Variants in LGR6 observed in about 807,000 individuals in gnomAD.
LGR6 encodes leucine-rich repeat-containing G protein-coupled receptor 6.
Under a neutral mutation model 69.4 loss-of-function variants are expected in LGR6, and 45 were observed. That is an observed-to-expected ratio of 0.65 (90% confidence interval 0.51 to 0.83). The LOEUF (loss-of-function observed/expected upper bound fraction) is 0.83, where lower values mean the gene tolerates loss of function less well. LGR6 is among the 40% of genes least tolerant of loss of function. The pLI, the probability that LGR6 is intolerant of heterozygous loss-of-function variation, is 0.00. For missense variants in LGR6, 1,108 were observed against 1,246.7 expected (o/e 0.89, Z 1.68); for synonymous variants, 538 against 555.0 (o/e 0.97, Z 0.43).
chr1:202,261,597 C>T (rs1256577208), intron 4 of LGR6, among the ~76,000 whole-genome samples: 1 of 152,028 alleles, frequency 6.6e-6, no homozygotes, highest in Admixed American at 6.6e-5. Flanking sequence ...GGGTATATAC[C>T]CAGTAACGGG....
chr1:202,201,996 G>A (rs1218841283), intron 1 of LGR6, among the ~76,000 whole-genome samples: 1 of 152,202 alleles, frequency 6.6e-6, no homozygotes, highest in Non-Finnish European at 1.5e-5. Context: ...CACTGTATCA[G>A]ATAATCCTGG....
intron 4 of LGR6, among the ~76,000 whole-genome samples, chr1:202,236,884 T>C (rs1324490571): frequency 6.6e-6 from 1 of 152,132 alleles, no homozygotes; most frequent in Non-Finnish European, 1.5e-5. Context: ...AGTCTGTGGA[T>C]GTGGAAGTCA....
At chr1:202,316,360 C>T (rs953588594) in intron 17 of LGR6, among the ~76,000 whole-genome samples, 1 of 152,170 alleles carries the variant, frequency 6.6e-6, no homozygotes, top group Non-Finnish European at 1.5e-5. Flanking sequence ...TAACAACCCA[C>T]TCCTAGGGAA....
At chr1:202,263,008 T>C (rs1323954614) in intron 4 of LGR6, among the ~76,000 whole-genome samples, 1 of 152,096 alleles carries the variant, frequency 6.6e-6, no homozygotes. Context: ...CTTAGCTTTT[T>C]TTCTTTTCAT....
Position 202,304,580 on chromosome 1 carries a change from C to T in LGR6, c.1020C>T (p.Ile340=). 6.2e-7 allele frequency: 1 copy of T among 1,610,360 alleles called. No individual in the cohort carries two copies. Among genetic ancestry groups the T allele is most frequent in the Non-Finnish European group, 8.5e-7 (1 of 1,177,238 alleles). The change falls in exon 11 of 18, where the codon ATC becomes ATT. Residue 340 remains isoleucine (I), a synonymous_variant. Coordinates refer to ENST00000367278, the MANE Select transcript of LGR6 (RefSeq NM_001017403.2). ...GCAGGACCCTGACCCGCGCAGGCAT[C>T]CGGCTGCTCCCATCGGGGATGTGCC... ...LEILTLTRAG[I]RLLPSGMCQQ...
At chr1:202,299,454 G>A (rs1480234731) in intron 7 of LGR6, among the ~76,000 whole-genome samples, 1 of 152,054 alleles carries the variant, frequency 6.6e-6, no homozygotes, top group Non-Finnish European at 1.5e-5. Context: ...AGGGAAGAGC[G>A]AGGAGACCTA....
At chr1:202,204,716 A>C (rs1659032103) in intron 1 of LGR6, among the ~76,000 whole-genome samples, 1 of 134,464 alleles carries the variant, frequency 7.4e-6, no homozygotes, top group African/African-American at 2.8e-5. Flanking sequence ...CACACCTAAC[A>C]CACACCTCCT....
Position 202,197,431 on chromosome 1 carries a change from T to C in LGR6, c.212+3230T>C, listed in dbSNP as rs536603181. 4 of 533,396 alleles carry C rather than the reference T, an allele frequency of 7.5e-6. No individual in the cohort carries two copies. In the African/African-American group the frequency reaches 7.7e-5, roughly 10 times the overall value. The allele number at this position is 533,396 out of a possible 1,614,324, so 33.0% of individuals were successfully genotyped here. A position where few individuals can be genotyped will look rare whatever the true frequency, so the allele number is the denominator to read the frequency against. ...CATATGTCTCTCTTTTTTGCAACAGTTTCCTCTTAAACTATAGTCTCAGCG... is the reference window on the plus strand; with the variant it reads ...CATATGTCTCTCTTTTTTGCAACAGCTTCCTCTTAAACTATAGTCTCAGCG... On this transcript the variant is annotated intron_variant, in intron 1 of 17. Coordinates refer to ENST00000367278, the MANE Select transcript of LGR6 (RefSeq NM_001017403.2).
At chr1:202,313,720 A>C (rs968706999) in intron 16 of LGR6, among the ~76,000 whole-genome samples, 1 of 152,254 alleles carries the variant, frequency 6.6e-6, no homozygotes, top group Admixed American at 6.5e-5. Flanking sequence ...TAATTGATAC[A>C]TAATAAATGT....
intron 1 of LGR6, chr1:202,197,164 C>G: frequency 1.9e-6 from 1 of 513,826 alleles, no homozygotes; most frequent in South Asian, 1.5e-5. Context: ...ATAAAAATGA[C>G]ATCACATCTC....
At chr1:202,274,674 C>A (rs1665390658) in intron 4 of LGR6, among the ~76,000 whole-genome samples, 1 of 152,154 alleles carries the variant, frequency 6.6e-6, no homozygotes. Context: ...AACAAGCTTC[C>A]AGGTGATGCT....
chr1:202,307,308 G>A (rs774123466), intron 13 of LGR6, 22 bp from the exon 14 acceptor site: 11 of 1,613,202 alleles, frequency 6.8e-6, no homozygotes, highest in South Asian at 2.2e-5. Context: ...GTCCCCTCCT[G>A]TCACACCCTC....
chr1:202,276,555 G>C, intron 5 of LGR6, 34 bp downstream of exon 5: 1 of 1,542,898 alleles, frequency 6.5e-7, no homozygotes, highest in African/African-American at 1.4e-5. Flanking sequence ...CCCCAGTGGG[G>C]TCCTGCTGGG....
Position 202,319,293 on chromosome 1 carries a change from A to G in LGR6, c.*86A>G. On this transcript the variant is annotated 3_prime_UTR_variant, in exon 18 of 18. Coordinates refer to ENST00000367278, the MANE Select transcript of LGR6 (RefSeq NM_001017403.2). ...GATGGCTGCTTCTAAAACAAATACA[A>G]CCAAAACTCAGCAGTGTGATCTATA... 1 of 1,371,782 alleles carries G rather than the reference A, an allele frequency of 7.3e-7. No individual in the cohort carries two copies. The allele number at this position is 1,371,782 out of a possible 1,614,324, so 85.0% of individuals were successfully genotyped here.
At chr1:202,214,321 C>G in intron 1 of LGR6, 1 of 1,280,268 alleles carries the variant, frequency 7.8e-7, no homozygotes, top group Non-Finnish European at 1.0e-6. Flanking sequence ...GAAACCGACG[C>G]GACGGGTGGG....
intron 1 of LGR6, 73 bp from the exon 2 acceptor site, chr1:202,225,350 G>T (rs539555137): frequency 4.3e-6 from 6 of 1,398,562 alleles, no homozygotes; most frequent in Non-Finnish European, 5.1e-6. Flanking sequence ...CTCGAGGGGG[G>T]TTGGCACCTG....
intron 1 of LGR6, among the ~76,000 whole-genome samples, chr1:202,220,962 CA>C (rs1189198215): frequency 6.6e-6 from 1 of 152,168 alleles, no homozygotes; most frequent in East Asian, 1.9e-4. Context: ...ACAATGTATA[CA>C]GAGATTAGAT....
At chr1:202,281,067 C>T in intron 6 of LGR6, 1 of 543,330 alleles carries the variant, frequency 1.8e-6, no homozygotes, top group Non-Finnish European at 3.2e-6. Context: ...AATGTGCCCT[C>T]TGGGAGTTCA....
intron 4 of LGR6, among the ~76,000 whole-genome samples, chr1:202,272,585 C>T (rs1174733201): frequency 1.3e-5 from 2 of 152,212 alleles, no homozygotes; most frequent in Non-Finnish European, 2.9e-5. Flanking sequence ...TCAGCCCATC[C>T]AGCCCTTCCC....
Sources: allele counts gnomAD v4.1 joint callset (sites outside exome capture counted in the v4.1 genomes callset), GRCh38; gene constraint gnomAD v4.1.1; transcripts MANE v1.5; gene names NCBI Gene and HGNC (gene_info 2026-07-23, HGNC 2026-07-21).